RNASET2: variants seen among roughly 807,000 people sequenced by gnomAD.
RNASET2 encodes the protein ribonuclease T2, also known as ribonuclease 6.
Under a neutral mutation model 33.9 loss-of-function variants are expected in RNASET2, and 28 were observed. The observed-to-expected ratio is 0.83, with a 90% CI of 0.61 to 1.13. The LOEUF is 1.13. RNASET2 is among the 50% of genes most tolerant of loss of function. The probability of loss-of-function intolerance (pLI) is 0.00; values close to 1 mark genes in which losing one functional copy is unlikely to be tolerated. For missense variants in RNASET2, 330 were observed against 319.9 expected (o/e 1.03, Z -0.24); for synonymous variants, 123 against 121.0 (o/e 1.02, Z -0.11).
intron 5 of RNASET2, among the ~76,000 whole-genome samples, 184 bp downstream of exon 5, chr6:166,942,834 TG>T (rs1053597223): frequency 6.6e-6 from 1 of 152,174 alleles, no homozygotes; most frequent in African/African-American, 2.4e-5. Flanking sequence ...TTTTATACAT[TG>T]GAGAAAGGCA....
intron 4 of RNASET2, among the ~76,000 whole-genome samples, chr6:166,946,304 G>A (rs1231253215): frequency 6.6e-6 from 1 of 152,226 alleles, no homozygotes. Flanking sequence ...ATGGCACACC[G>A]ACCAGATTCC....
At chr6:166,942,121 C>T (rs376938174) in intron 5 of RNASET2, among the ~76,000 whole-genome samples, 49 of 140,258 alleles carry the variant, frequency 3.5e-4, no homozygotes, top group Non-Finnish European at 4.9e-4. Context: ...GGTGCAATCT[C>T]GGCTCACTGC....
At chr6:166,936,291 C>T (rs1169918081) in intron 6 of RNASET2, among the ~76,000 whole-genome samples, 2 of 152,070 alleles carry the variant, frequency 1.3e-5, no homozygotes, top group Non-Finnish European at 2.9e-5. Flanking sequence ...AATGGCAGGG[C>T]AGCACTGGGC....
chr6:166,937,443 G>T (rs912472193), intron 6 of RNASET2, among the ~76,000 whole-genome samples: 29 of 152,220 alleles, frequency 1.9e-4, no homozygotes, highest in African/African-American at 6.5e-4. Context: ...GGCCCATAAT[G>T]ATTTCTGAAC....
chr6:166,936,279 G>A (rs1778563982), intron 6 of RNASET2, among the ~76,000 whole-genome samples: 1 of 152,152 alleles, frequency 6.6e-6, no homozygotes, highest in Non-Finnish European at 1.5e-5. Flanking sequence ...CCCATCTACA[G>A]CAATGGCAGG....
intron 6 of RNASET2, chr6:166,938,587 G>C (rs3777721): frequency 0.049 from 31,408 of 635,166 alleles, 1,005 homozygotes; most frequent in Middle Eastern, 0.094. Flanking sequence ...AGGAATCATG[G>C]CTGAGAACGG....
In RNASET2 at chr6:166,922,345, T is replaced by G. The variant is rs1778248329; in HGVS notation, c.*7243A>C. 6.6e-6 allele frequency among the ~76,000 whole-genome samples: 1 copy of G among 152,166 alleles called. No individual in the cohort carries two copies. Among genetic ancestry groups the G allele is most frequent in the Non-Finnish European group, 1.5e-5 (1 of 68,032 alleles). Reference sequence around the variant, plus strand: ...TTGCCTGATAATATCTTACACCTCATCTCTCATCATCAGCAAGTTGCATCC... The same window carrying G: ...TTGCCTGATAATATCTTACACCTCAGCTCTCATCATCAGCAAGTTGCATCC... On this transcript the variant is annotated 3_prime_UTR_variant, in exon 9 of 9. Transcript: ENST00000508775.
chr6:166,928,851 G>T lies in RNASET2; in HGVS notation c.*737C>A, dbSNP rs1037395163. 3.9e-5 allele frequency among the ~76,000 whole-genome samples: 6 copies of T among 152,192 alleles called. No homozygotes were observed. The highest frequency in any genetic ancestry group is 1.4e-4 in the African/African-American group (6 of 41,458). On this transcript the variant is annotated 3_prime_UTR_variant, in exon 9 of 9. Transcript: ENST00000508775. The stretch of plus-strand genomic sequence containing the variant: ...CACACAATGTAGGCACATTTCGCTG[G>T]GGGCTCCATGTACATTTCTAAATAG...
In RNASET2 at chr6:166,923,163, C is replaced by T. The variant is rs535864689; in HGVS notation, c.*6425G>A. ...AGGGTGGAGCGCAGTGGCGCAATCT[C>T]CACTCACTGCAACCTCCAGCCTCCC... On this transcript the variant is annotated 3_prime_UTR_variant, in exon 9 of 9. Coordinates refer to ENST00000508775, the MANE Select transcript of RNASET2 (RefSeq NM_003730.6). 6.6e-6 allele frequency among the ~76,000 whole-genome samples: 1 copy of T among 152,068 alleles called. No homozygotes were observed. The highest frequency in any genetic ancestry group is 6.5e-5 in the Admixed American group (1 of 15,294).
At chr6:166,930,586 C>T (rs890659601) in intron 8 of RNASET2, among the ~76,000 whole-genome samples, 1 of 150,198 alleles carries the variant, frequency 6.7e-6, no homozygotes, top group Non-Finnish European at 1.5e-5. Flanking sequence ...CATGCACACA[C>T]ACAGCACATG....
chr6:166,947,412 A>G (rs1778874885), intron 3 of RNASET2, among the ~76,000 whole-genome samples: 1 of 152,178 alleles, frequency 6.6e-6, no homozygotes, highest in South Asian at 2.1e-4. Flanking sequence ...AGAGCCCCAA[A>G]GAGGCCAGGG....
chr6:166,940,820 C>A (rs1430923382), intron 5 of RNASET2, among the ~76,000 whole-genome samples: 1 of 152,062 alleles, frequency 6.6e-6, no homozygotes, highest in Admixed American at 6.6e-5. Flanking sequence ...TGAGAGACAC[C>A]CTGACTCACC....
chr6:166,934,475 A>C, intron 6 of RNASET2: 1 of 297,388 alleles, frequency 3.4e-6, no homozygotes, highest in Non-Finnish European at 6.4e-6. Flanking sequence ...CAGCAATTGA[A>C]ATCGGATTCC....
At chr6:166,931,561 T>G in intron 7 of RNASET2, 1 of 206,542 alleles carries the variant, frequency 4.8e-6, no homozygotes, top group Non-Finnish European at 9.9e-6. Context: ...CACATTCTCC[T>G]TCACAGAAGA....
chr6:166,955,940 C>CA (rs1779154147), intron 1 of RNASET2, among the ~76,000 whole-genome samples, 157 bp downstream of exon 1: 1 of 152,120 alleles, frequency 6.6e-6, no homozygotes, highest in African/African-American at 2.4e-5. Context: ...AACTTCTTCC[C>CA]AGGGGTCACC....
chr6:166,955,285 CACACGCACAG>C (rs1404812618), intron 1 of RNASET2, among the ~76,000 whole-genome samples: 3 of 62,544 alleles, frequency 4.8e-5, no homozygotes, highest in African/African-American at 2.0e-4. Flanking sequence ...ACACACGACA[CACACGCACAG>C]ACGCGCACAC....
intron 3 of RNASET2, among the ~76,000 whole-genome samples, chr6:166,948,166 T>A (rs1438724774): frequency 6.6e-6 from 1 of 152,016 alleles, no homozygotes; most frequent in Non-Finnish European, 1.5e-5. Flanking sequence ...ACAAACATGG[T>A]GAAATCCTGT....
chr6:166,954,310 A>G (rs776933235), intron 1 of RNASET2, among the ~76,000 whole-genome samples: 11 of 152,232 alleles, frequency 7.2e-5, no homozygotes, highest in Non-Finnish European at 1.0e-4. Context: ...GTCCGATCAT[A>G]TCAGTTGCAT....
rs58694992 is a variant in RNASET2 at position 166,929,345 on chromosome 6, G to GAA, written c.*241_*242dup. On this transcript the variant is annotated 3_prime_UTR_variant, in exon 9 of 9. Transcript: ENST00000508775. ...CCAGGGCACTGAAGAGTTTAATAGA[G>GAA]AAAAAAAAAAACAATCTGTGAGCTT... Among the ~76,000 whole-genome samples the GAA allele has an allele frequency of 0.026, 3,830 of 146,294 alleles. 164 individuals carry two copies. Among genetic ancestry groups the GAA allele is most frequent in the African/African-American group, 0.09 (3,623 of 40,384 alleles).
Sources: allele counts gnomAD v4.1 joint callset (sites outside exome capture counted in the v4.1 genomes callset), GRCh38; gene constraint gnomAD v4.1.1; transcripts MANE v1.5; gene names NCBI Gene and HGNC (gene_info 2026-07-23, HGNC 2026-07-21).